Variants in ARAF observed in about 807,000 individuals in gnomAD.
The protein encoded by ARAF is A-Raf proto-oncogene, serine/threonine kinase.
Under a neutral mutation model 48.0 loss-of-function variants are expected in ARAF, and 18 were observed. The observed-to-expected ratio is 0.37, with a 90% CI of 0.26 to 0.56. The LOEUF is 0.56. ARAF is among the 20% of genes least tolerant of loss of function. ARAF has a pLI of 0.77. For synonymous variants in ARAF, 207 were observed against 220.1 expected (o/e 0.94, Z 0.53); for missense variants, 389 against 543.1 (o/e 0.72, Z 2.82).
chrX:47,571,142 T>TGTGTG, intron 15 of ARAF, 130 bp downstream of exon 15: 75 of 975,025 alleles, frequency 7.7e-5, no homozygotes, highest in Non-Finnish European at 8.5e-5. Context: ...TGTGTGTGTG[T>TGTGTG]TTCACCATGA....
intron 3 of ARAF, among the ~76,000 whole-genome samples, chrX:47,564,061 G>A (rs963781926): frequency 8.9e-6 from 1 of 112,349 alleles, no homozygotes; most frequent in African/African-American, 3.2e-5. Context: ...GTTTATTTCT[G>A]CAATTTTCAA....
At chrX:47,570,352 C>T (rs1056683743) in intron 14 of ARAF, 4 of 198,220 alleles carry the variant, frequency 2.0e-5, no homozygotes, top group South Asian at 1.4e-4. Context: ...CGCCTATAGT[C>T]GTCTGCTCTG....
chrX:47,562,718 C>G (rs376443651), intron 1 of ARAF, among the ~76,000 whole-genome samples, 191 bp from the exon 2 acceptor site: 1 of 111,004 alleles, frequency 9.0e-6, no homozygotes, highest in Admixed American at 9.5e-5. Context: ...GTGAGACAAG[C>G]AACAGGAGGG....
At chrX:47,565,614 G>T (rs1214738705) in intron 6 of ARAF, 1 of 300,837 alleles carries the variant, frequency 3.3e-6, no homozygotes. Flanking sequence ...GACATGTTCA[G>T]TGCCTAGAAC....
At chrX:47,570,175 TC>T in intron 14 of ARAF, 151 bp downstream of exon 14, 1 of 640,632 alleles carries the variant, frequency 1.6e-6, no homozygotes, top group Non-Finnish European at 2.3e-6. Context: ...TCCCTTGGGC[TC>T]CAGACACTTA....
Position 47,564,878 on chromosome X carries a change from C to T in ARAF, c.282C>T (p.Val94=), listed in dbSNP as rs1278190136. ...EELIVEVLED[V]PLTMHNFVRK... ...TCATTGTCGAGGTCCTTGAAGATGT[C>T]CCGCTGACCATGCACAATTTTGTGA... The change falls in exon 4 of 16, where the codon GTC becomes GTT. Residue 94 remains valine, a synonymous_variant. Transcript: ENST00000377045. 4 of 1,211,358 alleles carry T rather than the reference C, an allele frequency of 3.3e-6. No homozygotes were observed. The highest frequency in any genetic ancestry group is 1.8e-5 in the South Asian group (1 of 56,930).
chrX:47,568,449 G>C (rs990989788), intron 10 of ARAF, among the ~76,000 whole-genome samples: 7 of 110,468 alleles, frequency 6.3e-5, no homozygotes, highest in African/African-American at 2.3e-4. Flanking sequence ...AGGCAGGGAG[G>C]GGGAGGGGCA....
chrX:47,571,109 T>TGTG lies in ARAF; in HGVS notation c.1686+97_1686+98insGTG, dbSNP rs1569321471. Reference sequence around the variant, plus strand: ...ATGTGAATATGAAAGCTCAGAGGTATAGTGTGTGTGTGTGTGTGTGTGTGT... The same window carrying TGTG: ...ATGTGAATATGAAAGCTCAGAGGTATGTGAGTGTGTGTGTGTGTGTGTGTGTGT... On this transcript the variant is annotated intron_variant, in intron 15 of 15. Transcript: ENST00000377045. 2.5e-5 allele frequency: 24 copies of TGTG among 962,456 alleles called. No individual in the cohort carries two copies. The South Asian group carries it at 4.5e-4, about 18-fold the overall frequency. 79.3% of individuals were successfully genotyped at this position (962,456 alleles called of 1,213,427 possible). A position where few individuals can be genotyped will look rare whatever the true frequency, so the allele number is the denominator to read the frequency against.
At position 47,571,429 on chromosome X, in the gene ARAF, T is replaced by C; in HGVS notation, c.1793T>C (p.Leu598Pro). The C allele has an allele frequency of 2.5e-6, 3 of 1,207,430 alleles. No homozygotes were observed. Among genetic ancestry groups the C allele is most frequent in the Non-Finnish European group, 3.4e-6 (3 of 893,468 alleles). Reference protein sequence around the residue: ...RTQADELPACLLSAARLVP With the variant: ...RTQADELPACPLSAARLVP ...CAGGCCGATGAGTTGCCTGCCTGCC[T>C]ACTCAGCGCAGCCCGCCTTGTGCCT... is the stretch of plus-strand genomic sequence containing the variant. Residue 598 changes from leucine (L) to proline (P), a missense_variant, in exon 16 of 16, where the codon CTA (leucine) becomes CCA (proline). Leu to Pro is a moderately conservative substitution (Grantham distance 98, BLOSUM62 -3). Transcript: ENST00000377045.
At position 47,571,654 on chromosome X, in the gene ARAF, G is replaced by T; in HGVS notation, c.*197G>T. On this transcript the variant is annotated 3_prime_UTR_variant, in exon 16 of 16. Coordinates refer to ENST00000377045, the MANE Select transcript of ARAF (RefSeq NM_001654.5). The stretch of plus-strand genomic sequence containing the variant: ...ACCCCCGCCAAAGACTGAGCCCCCT[G>T]TCTCCTCCATCATTTGGTTTCCTCT... 2 of 549,511 alleles carry T rather than the reference G, an allele frequency of 3.6e-6. No homozygotes were observed. The highest frequency in any genetic ancestry group is 7.2e-5 in the South Asian group (2 of 27,816). The allele number at this position is 549,511 out of a possible 1,213,427, so 45.3% of individuals were successfully genotyped here. A position where few individuals can be genotyped will look rare whatever the true frequency, so the allele number is the denominator to read the frequency against.
At position 47,567,286 on chromosome X, in the gene ARAF, G is replaced by A. The variant is rs1444781793; in HGVS notation, c.930G>A (p.Val310=). Residue 310 remains valine (V), a synonymous_variant, in exon 10 of 16, where the codon GTG becomes GTA. Transcript: ENST00000377045. The stretch of plus-strand genomic sequence containing the variant: ...ACTGGGAGGTACCACCCAGTGAGGT[G>A]CAGCTGCTGAAGAGGATCGGGACGG... ...GYYWEVPPSE[V]QLLKRIGTGS... The A allele has an allele frequency of 8.3e-7, 1 of 1,211,829 alleles. No homozygotes were observed. The highest frequency in any genetic ancestry group is 1.8e-5 in the South Asian group (1 of 56,994).
In ARAF at chrX:47,568,763, C is replaced by G. The variant is rs772190588; in HGVS notation, c.1122C>G (p.Thr374=). 3.3e-6 allele frequency: 4 copies of G among 1,211,605 alleles called. No homozygotes were observed. Among genetic ancestry groups the G allele is most frequent in the Non-Finnish European group, 3.4e-6 (3 of 895,387 alleles). Residue 374 remains threonine, a synonymous_variant, in exon 11 of 16, where the codon ACC becomes ACG. Transcript: ENST00000377045. ...VNILLFMGFM[T]RPGFAIITQW... Reference sequence around the variant, plus strand: ...TCTTGCTGTTTATGGGCTTCATGACCCGGCCGGGATTTGCCATCATCACAC... The same window carrying G: ...TCTTGCTGTTTATGGGCTTCATGACGCGGCCGGGATTTGCCATCATCACAC...
rs2057758138 is a variant in ARAF at position 47,571,484 on chromosome X, A to G, written c.*27A>G. On this transcript the variant is annotated 3_prime_UTR_variant, in exon 16 of 16. Transcript: ENST00000377045. ...CCCCGCCCAAGCCACCAGGGAGCCA[A>G]TCTCAGCCCTCCACGCCAAGGAGCC... The G allele has an allele frequency of 8.4e-7, 1 of 1,189,782 alleles. No individual in the cohort carries two copies. Among genetic ancestry groups the G allele is most frequent in the Admixed American group, 2.3e-5 (1 of 43,685 alleles).
Position 47,568,745 on chromosome X carries a change from G to A in ARAF, c.1104G>A (p.Leu368=). ...LRKTRHVNIL[L]FMGFMTRPGF... ...AGACGCGACATGTCAACATCTTGCT[G>A]TTTATGGGCTTCATGACCCGGCCGG... The change falls in exon 11 of 16, where the codon CTG becomes CTA. Residue 368 remains leucine (L), a synonymous_variant. Transcript: ENST00000377045. 8.3e-7 allele frequency: 1 copy of A among 1,211,526 alleles called. No homozygotes were observed. The highest frequency in any genetic ancestry group is 1.1e-6 in the Non-Finnish European group (1 of 895,226).
intron 10 of ARAF, among the ~76,000 whole-genome samples, chrX:47,568,228 C>G (rs2057741325): frequency 8.9e-6 from 1 of 111,778 alleles, no homozygotes; most frequent in African/African-American, 3.3e-5. Flanking sequence ...GTCCAGACTC[C>G]AAGCTCTTTA....
chrX:47,570,581 C>T (rs1394055216), intron 14 of ARAF, among the ~76,000 whole-genome samples: 5 of 110,631 alleles, frequency 4.5e-5, no homozygotes, highest in Admixed American at 2.9e-4. Context: ...CCCAGAACTC[C>T]ATGTTTTCCC....
Position 47,567,049 on chromosome X carries a change from C to A in ARAF, c.791C>A (p.Ser264Tyr), listed in dbSNP as rs200151563. ...GGGAGCCCCAGCCCAGCCAGCGTGT[C>A]CTCGGGGAGGAAGTCCCCACATTCC... ...PRGSPSPASV[S>Y]SGRKSPHSKS... is the part of the protein sequence containing the mutation. Residue 264 changes from serine to tyrosine, a missense_variant, in exon 9 of 16, where the codon TCC becomes TAC. Around this residue, in one of 4 missense-constraint regions of ARAF, gnomAD observed 154 missense variants for 133.6 expected, o/e 1.15. Transcript: ENST00000377045. 1 of 1,210,403 alleles carries A rather than the reference C, an allele frequency of 8.3e-7. No homozygotes were observed. Among genetic ancestry groups the A allele is most frequent in the East Asian group, 3.0e-5 (1 of 33,777 alleles).
chrX:47,571,110 AGTG>A (rs1300996901), intron 15 of ARAF, 98 bp downstream of exon 15: 9 of 816,984 alleles, frequency 1.1e-5, no homozygotes, highest in Non-Finnish European at 1.5e-5. Flanking sequence ...TCAGAGGTAT[AGTG>A]TGTGTGTGTG....
chrX:47,568,659 G>C (rs774360890), intron 10 of ARAF, 59 bp from the exon 11 acceptor site: 1 of 1,138,948 alleles, frequency 8.8e-7, no homozygotes, highest in Non-Finnish European at 1.2e-6. Flanking sequence ...CCTGATGCTC[G>C]GTAAGTGACA....
Sources: gnomAD v4.1 joint callset for allele counts (sites outside exome capture counted in the v4.1 genomes callset) on GRCh38, gnomAD v4.1.1 for gene constraint, gnomAD v4.1.1 regional missense constraint, MANE v1.5 for transcripts, NCBI Gene and HGNC (gene_info 2026-07-23, HGNC 2026-07-21) for gene names.